PRKCD: variants seen among roughly 807,000 people sequenced by gnomAD.
PRKCD encodes protein kinase C delta type.
A neutral mutation model predicts 82.2 loss-of-function variants in PRKCD; 20 were observed. The observed-to-expected ratio is 0.24, with a 90% confidence interval of 0.17 to 0.35. The LOEUF is 0.35. PRKCD is among the 10% of genes least tolerant of loss of function. The pLI, the probability that PRKCD is intolerant of heterozygous loss-of-function variation, is 1.00. For missense variants in PRKCD, 607 were observed against 899.0 expected (o/e 0.68, Z 4.15); for synonymous variants, 317 against 337.0 (o/e 0.94, Z 0.65).
intron 18 of PRKCD, among the ~76,000 whole-genome samples, chr3:53,190,657 G>T (rs1301526428): frequency 1.3e-5 from 2 of 152,166 alleles, no homozygotes; most frequent in Non-Finnish European, 2.9e-5. Context: ...GGCAGGTGGG[G>T]CCACTAAGAA....
intron 7 of PRKCD, among the ~76,000 whole-genome samples, chr3:53,182,817 C>T (rs1167442796): frequency 6.6e-6 from 1 of 152,180 alleles, no homozygotes; most frequent in East Asian, 1.9e-4. Flanking sequence ...AGAACTGCCC[C>T]CGCTTCTCAT....
chr3:53,168,766 G>A (rs1553664309), intron 2 of PRKCD, among the ~76,000 whole-genome samples: 2 of 151,292 alleles, frequency 1.3e-5, no homozygotes, highest in African/African-American at 2.4e-5. Context: ...AGGGGTCAGC[G>A]TGGCTGGGGC....
rs540102123 is a variant in PRKCD at position 53,183,639 on chromosome 3, G to A, written c.787+58G>A. 1.7e-4 allele frequency: 265 copies of A among 1,599,282 alleles called. No individual in the cohort carries two copies. The African/African-American group carries it at 2.8e-3, about 17-fold the overall frequency. On this transcript the variant is annotated intron_variant, in intron 9 of 18. Coordinates refer to ENST00000330452, the MANE Select transcript of PRKCD (RefSeq NM_006254.4). Reference sequence around the variant, plus strand: ...GGGCACTCCCAGCTGGTGCTGCTGTGAATTCCAGCCACCTCACGCCACCCT... The same window carrying A: ...GGGCACTCCCAGCTGGTGCTGCTGTAAATTCCAGCCACCTCACGCCACCCT...
At chr3:53,189,372 C>G in intron 17 of PRKCD, 126 bp downstream of exon 17, 1 of 1,012,614 alleles carries the variant, frequency 9.9e-7, no homozygotes, top group Non-Finnish European at 1.4e-6. Flanking sequence ...GCAGTCCTAA[C>G]ATACGGGGTA....
rs782614340 is a variant in PRKCD, at chr3:53,187,336, C to G, written c.1353-4C>G. 1 of 1,614,126 alleles carries G rather than the reference C, an allele frequency of 6.2e-7. No homozygotes were observed. Among genetic ancestry groups the G allele is most frequent in the South Asian group, 1.1e-5 (1 of 91,078 alleles). ...GGAACACTTTATCCCTCTCTCTTGC[C>G]CAGGTTTTATGCCGCTGAGATAATG... On this transcript the variant is annotated splice_polypyrimidine_tract_variant and splice_region_variant and intron_variant, in intron 14 of 18. Transcript: ENST00000330452.
At chr3:53,166,540 G>A (rs1702837976) in intron 2 of PRKCD, among the ~76,000 whole-genome samples, 1 of 152,212 alleles carries the variant, frequency 6.6e-6, no homozygotes, top group Non-Finnish European at 1.5e-5. Context: ...TGGGCATGCA[G>A]GTACACAGGT....
At chr3:53,186,378 G>A (rs1553669106) in intron 13 of PRKCD, 38 bp downstream of exon 13, 14 of 1,611,062 alleles carry the variant, frequency 8.7e-6, no homozygotes, top group East Asian at 2.2e-5. Context: ...CCATGCCACA[G>A]CCATGTCCCA....
At chr3:53,163,509 C>G (rs1206248593) in intron 1 of PRKCD, among the ~76,000 whole-genome samples, 3 of 151,972 alleles carry the variant, frequency 2.0e-5, no homozygotes, top group African/African-American at 2.4e-5. Context: ...TATTTGGGCT[C>G]CAATACTTGC....
chr3:53,185,032 G>C (rs1703621367), intron 10 of PRKCD, 58 bp downstream of exon 10: 2 of 1,481,944 alleles, frequency 1.3e-6, no homozygotes, highest in African/African-American at 2.8e-5. Flanking sequence ...GACAGTCAAG[G>C]CTTACAGCCA....
chr3:53,182,846 C>T (rs1041185815), intron 7 of PRKCD, among the ~76,000 whole-genome samples: 20 of 152,318 alleles, frequency 1.3e-4, no homozygotes, highest in South Asian at 4.2e-4. Context: ...GCCCTGTGCC[C>T]GCTAACTTCT....
chr3:53,161,485 C>T (rs1702656607), intron 1 of PRKCD, 57 bp downstream of exon 1: 1 of 151,808 alleles, frequency 6.6e-6, no homozygotes, highest in Non-Finnish European at 1.5e-5. Flanking sequence ...GCGCGGCGCC[C>T]TTCCTTCCCC....
Position 53,181,462 on chromosome 3 carries a change from G to A in PRKCD, c.395G>A (p.Arg132His), listed in dbSNP as rs200939049. ...LEDVDCKQSM[R>H]SEDEAKFPTM... ...TCACCAGATTGCAAACAGTCTATGC[G>A]CAGTGAGGACGAGGCCAAGTTCCCA... is the stretch of plus-strand genomic sequence containing the variant. Residue 132 changes from arginine (R) to histidine (H), a missense_variant, in exon 6 of 19, where the codon CGC (arginine) becomes CAC (histidine). By Grantham distance (29) the Arg-to-His change is conservative (BLOSUM62 0). Around this residue, in one of 5 missense-constraint regions of PRKCD, gnomAD observed 161 missense variants for 227.0 expected, o/e 0.71. Coordinates refer to ENST00000330452, the MANE Select transcript of PRKCD (RefSeq NM_006254.4). 95 of 1,614,166 alleles carry A rather than the reference G, an allele frequency of 5.9e-5. No homozygotes were observed. The African/African-American group carries it at 1.1e-3, about 19-fold the overall frequency.
chr3:53,172,006 T>G (rs1313779036), intron 2 of PRKCD, among the ~76,000 whole-genome samples: 2 of 150,716 alleles, frequency 1.3e-5, no homozygotes, highest in Non-Finnish European at 3.0e-5. Flanking sequence ...CTGTGTGGGG[T>G]GAGGGAGGGG....
chr3:53,177,436 T>C (rs533085416), intron 2 of PRKCD, among the ~76,000 whole-genome samples: 1 of 152,214 alleles, frequency 6.6e-6, no homozygotes, highest in South Asian at 2.1e-4. Context: ...CTGAACAGAG[T>C]GGGTGCCAAG....
intron 1 of PRKCD, among the ~76,000 whole-genome samples, chr3:53,162,887 A>T (rs1702721178): frequency 6.6e-6 from 1 of 151,624 alleles, no homozygotes; most frequent in Non-Finnish European, 1.5e-5. Flanking sequence ...GTATCTGTAT[A>T]AGTGTGTGTA....
chr3:53,190,774 C>T (rs1225195341), intron 18 of PRKCD, among the ~76,000 whole-genome samples: 1 of 152,194 alleles, frequency 6.6e-6, no homozygotes, highest in East Asian at 1.9e-4. Context: ...ACTGGGCAGC[C>T]TGTGTAATGC....
At chr3:53,192,003 T>A in intron 18 of PRKCD, 105 bp from the exon 19 acceptor site, 4 of 1,205,894 alleles carry the variant, frequency 3.3e-6, no homozygotes. Flanking sequence ...CTGTTCTGGG[T>A]GAGGACAGCT....
rs377115507 is a variant in PRKCD, at chr3:53,178,479, C to A, written c.57C>A (p.Ala19=). ...CCTATGAGCTGGGCTCCCTGCAGGC[C>A]GAGGACGAGGCGAACCAGCCCTTCT... ...FNSYELGSLQ[A]EDEANQPFCA... is the part of the protein sequence containing the mutation. The change falls in exon 3 of 19, where the codon GCC becomes GCA. Residue 19 remains alanine (A), a synonymous_variant. Coordinates refer to ENST00000330452, the MANE Select transcript of PRKCD (RefSeq NM_006254.4). 2.5e-6 allele frequency: 4 copies of A among 1,613,110 alleles called. No individual in the cohort carries two copies. The highest frequency in any genetic ancestry group is 3.4e-6 in the Non-Finnish European group (4 of 1,179,908).
At chr3:53,174,239 A>T (rs1490166872) in intron 2 of PRKCD, among the ~76,000 whole-genome samples, 1 of 152,218 alleles carries the variant, frequency 6.6e-6, no homozygotes, top group Admixed American at 6.5e-5. Context: ...TCATACCTAG[A>T]CACTGACCCT....
Sources: allele counts gnomAD v4.1 joint callset (sites outside exome capture counted in the v4.1 genomes callset), GRCh38; gene constraint gnomAD v4.1.1; regional missense constraint gnomAD v4.1.1; transcripts MANE v1.5; gene names NCBI Gene and HGNC (gene_info 2026-07-23, HGNC 2026-07-21).